SLC26A1: variants seen among roughly 807,000 people sequenced by gnomAD.
SLC26A1 encodes the protein sulfate anion transporter 1.
SLC26A1 carries 18 observed loss-of-function variants against 14.5 expected under a neutral mutation model. The ratio of observed to expected loss-of-function variants is 1.24; its 90% CI spans 0.86 to 1.84. SLC26A1 has a LOEUF of 1.84. Ranked by LOEUF, SLC26A1 falls within the 40% of genes most tolerant of loss-of-function variation. SLC26A1 has a pLI of 0.00. For missense variants in SLC26A1, 1,049 were observed against 1,020.0 expected, an observed-to-expected ratio of 1.03 and a Z score of -0.39; for synonymous variants, 505 against 492.0, an observed-to-expected ratio of 1.03 and a Z score of -0.35.
At chr4:980,484 G>A (rs1485610498) in intron 2 of SLC26A1, among the ~76,000 whole-genome samples, 10 of 151,898 alleles carry the variant, frequency 6.6e-5, no homozygotes, top group Admixed American at 6.6e-4. Flanking sequence ...TACTTGGGAG[G>A]CTGAGGCAGG....
In SLC26A1 at chr4:989,993, C is replaced by T; in HGVS notation, c.946G>A (p.Gly316Ser). The T allele has an allele frequency of 6.4e-7, 1 of 1,565,460 alleles. No individual in the cohort carries two copies. Among genetic ancestry groups the T allele is most frequent in the East Asian group, 2.4e-5 (1 of 42,130 alleles). ...SHFGQLHKRF[G>S]SSVAGDIPTG... Reference sequence around the variant, plus strand: ...GGGATGTCGCCAGCCACGCTCGAGCCAAAGCGCTTGTGGAGCTGCCCGAAG... The same window carrying T: ...GGGATGTCGCCAGCCACGCTCGAGCTAAAGCGCTTGTGGAGCTGCCCGAAG... Residue 316 changes from glycine (G) to serine (S), a missense_variant, in exon 3 of 3, where the codon GGC becomes AGC. Coordinates refer to ENST00000398516, the MANE Select transcript of SLC26A1 (RefSeq NM_022042.4).
At chr4:985,869 T>C (rs925606675), downstream of SLC26A1, among the ~76,000 whole-genome samples, 1 of 152,190 alleles carries the variant, frequency 6.6e-6, no homozygotes, top group African/African-American at 2.4e-5. Flanking sequence ...TTCTCCCAAC[T>C]TAGAGAGGAT....
At position 989,715 on chromosome 4, in the gene SLC26A1, A is replaced by G. The variant is rs1275969391; in HGVS notation, c.1224T>C (p.Thr408=). 1.8e-5 allele frequency: 28 copies of G among 1,558,812 alleles called. No homozygotes were observed. In the East Asian group the frequency reaches 6.7e-4, roughly 37 times the overall value. The change falls in exon 3 of 3, where the codon ACT becomes ACC. Residue 408 remains threonine (T), a synonymous_variant. Transcript: ENST00000398516. The part of the protein sequence containing the change: ...ALAKSLVKTA[T]GCRTQLSSVV... ...CGCTGGACAGCTGTGTCCGGCAGCCAGTGGCTGTCTTCACCAGGCTCTTGG... is the reference window on the plus strand; with the variant it reads ...CGCTGGACAGCTGTGTCCGGCAGCCGGTGGCTGTCTTCACCAGGCTCTTGG...
intron 2 of SLC26A1, among the ~76,000 whole-genome samples, chr4:981,048 C>T (rs1220163002): frequency 2.0e-5 from 3 of 152,218 alleles, no homozygotes; most frequent in Non-Finnish European, 2.9e-5. Flanking sequence ...CCCCAGTCAG[C>T]AACCGGCCAG....
intron 2 of SLC26A1, among the ~76,000 whole-genome samples, chr4:980,305 G>C (rs1162134481): frequency 6.6e-6 from 1 of 152,180 alleles, no homozygotes; most frequent in Non-Finnish European, 1.5e-5. Context: ...CAGAAAATAG[G>C]CTGGGTGCGG....
chr4:983,742 C>T (rs537015444), downstream of SLC26A1, among the ~76,000 whole-genome samples: 1 of 152,328 alleles, frequency 6.6e-6, no homozygotes, highest in South Asian at 2.1e-4. Context: ...GTTTTCCCTT[C>T]CCCCCGCACT....
chr4:990,514 A>G, intron 2 of SLC26A1, 152 bp from the exon 3 acceptor site: 1 of 742,336 alleles, frequency 1.3e-6, no homozygotes, highest in Admixed American at 2.9e-5. Context: ...GACTCCTCAC[A>G]CGGGCCTGAG....
At chr4:991,896 T>C in intron 1 of SLC26A1, 166 bp from the exon 2 acceptor site, 1 of 1,237,470 alleles carries the variant, frequency 8.1e-7, no homozygotes, top group Non-Finnish European at 1.1e-6. Context: ...CCCTGCCCGG[T>C]ATGGATGGAC....
In SLC26A1 at chr4:989,352, C is replaced by G; in HGVS notation, c.1587G>C (p.Glu529Asp). The change falls in exon 3 of 3, where the codon GAG becomes GAC. Residue 529 changes from glutamate (E) to aspartate (D), a missense_variant. By Grantham distance (45) the Glu-to-Asp change is conservative. Coordinates refer to ENST00000398516, the MANE Select transcript of SLC26A1 (RefSeq NM_022042.4). ...GCACGCCGGGCTCAGGGACGAGGCC[C>G]TCGAACTCTGTGGCATCCTCGTAGA... ...TAFYEDATEF[E>D]GLVPEPGVRV... 7 of 1,597,778 alleles carry G rather than the reference C, an allele frequency of 4.4e-6. No individual in the cohort carries two copies. The highest frequency in any genetic ancestry group is 6.0e-6 in the Non-Finnish European group (7 of 1,172,696).
chr4:990,945 C>G (rs991235147), intron 2 of SLC26A1, 183 bp downstream of exon 2: 1 of 618,206 alleles, frequency 1.6e-6, no homozygotes, highest in Non-Finnish European at 2.7e-6. Flanking sequence ...TCCACAGCCT[C>G]TCCGCGTCGG....
At position 989,825 on chromosome 4, in the gene SLC26A1, G is replaced by T; in HGVS notation, c.1114C>A (p.Arg372Ser). 2 of 1,579,690 alleles carry T rather than the reference G, an allele frequency of 1.3e-6. No individual in the cohort carries two copies. The highest frequency in any genetic ancestry group is 1.7e-6 in the Non-Finnish European group (2 of 1,163,744). Reference sequence around the variant, plus strand: ...ACAGCCAGCAGCTCCTGGTTGGCACGCACAGAGTAGCCGTGACTGCGGGCG... The same window carrying T: ...ACAGCCAGCAGCTCCTGGTTGGCACTCACAGAGTAGCCGTGACTGCGGGCG... ...MFARSHGYSVRANQELLAVGC... is the reference protein window; with the variant it reads ...MFARSHGYSVSANQELLAVGC... The change falls in exon 3 of 3, where the codon CGT (arginine) becomes AGT (serine). Residue 372 changes from arginine to serine, a missense_variant. Arg to Ser is a moderately radical substitution (Grantham distance 110). Coordinates refer to ENST00000398516, the MANE Select transcript of SLC26A1 (RefSeq NM_022042.4).
Position 991,678 on chromosome 4 carries a change from T to G in SLC26A1, c.26A>C (p.Gln9Pro). The change falls in exon 2 of 3, where the codon CAG becomes CCG. Residue 9 changes from glutamine (Q) to proline (P), a missense_variant. Gln to Pro is a moderately conservative substitution (Grantham distance 76). Transcript: ENST00000398516. MDESPEPL[Q>P]QGRGPVPVRR... The stretch of plus-strand genomic sequence containing the variant: ...GACCGGCACCGGCCCTCTGCCCTGC[T>G]GCAGAGGCTCAGGGGACTCGTCCAT... 6.5e-7 allele frequency: 1 copy of G among 1,534,646 alleles called. No homozygotes were observed. Among genetic ancestry groups the G allele is most frequent in the Non-Finnish European group, 8.7e-7 (1 of 1,146,928 alleles).
rs752471622 is a variant in SLC26A1 at position 990,153 on chromosome 4, G to A, written c.786C>T (p.Cys262=). The change falls in exon 3 of 3, where the codon TGC becomes TGT. Residue 262 remains cysteine, a synonymous_variant. Coordinates refer to ENST00000398516, the MANE Select transcript of SLC26A1 (RefSeq NM_022042.4). ...LLRGAGQANV[C]DVVTSTVCLA... ...GGCACACCGTGCTGGTGACCACGTC[G>A]CACACGTTGGCCTGCCCGGCGCCGC... 1.2e-5 allele frequency: 18 copies of A among 1,563,906 alleles called. No individual in the cohort carries two copies. The East Asian group carries it at 1.7e-4, about 14-fold the overall frequency.
At chr4:983,811 A>G (rs997064059), downstream of SLC26A1, among the ~76,000 whole-genome samples, 1 of 152,114 alleles carries the variant, frequency 6.6e-6, no homozygotes, top group Non-Finnish European at 1.5e-5. Flanking sequence ...TTTCTACTTG[A>G]AGAACACCAT....
intron 1 of SLC26A1, among the ~76,000 whole-genome samples, chr4:992,383 C>T (rs1577523774): frequency 6.6e-6 from 1 of 152,240 alleles, no homozygotes; most frequent in Admixed American, 6.5e-5. Context: ...CAGGAAGAGG[C>T]CTCCTATGTC....
rs1157877742 is a variant in SLC26A1 at position 989,395 on chromosome 4, C to T, written c.1544G>A (p.Arg515His). 1.6e-5 allele frequency: 25 copies of T among 1,567,272 alleles called. No homozygotes were observed. The highest frequency in any genetic ancestry group is 1.7e-4 in the Middle Eastern group (1 of 6,028). ...TQRPRTALLA[R>H]IGDTAFYEDA... The stretch of plus-strand genomic sequence containing the variant: ...CTCGTAGAAGGCCGTGTCCCCGATG[C>T]GGGCCAGCAGGGCGGTGCGTGGGCG... The change falls in exon 3 of 3, where the codon CGC becomes CAC. Residue 515 changes from arginine to histidine, a missense_variant. Transcript: ENST00000398516.
chr4:988,210 C>T lies in SLC26A1; in HGVS notation c.*623G>A. On this transcript the variant is annotated 3_prime_UTR_variant, in exon 3 of 3. Transcript: ENST00000398516. Reference sequence around the variant, plus strand: ...GCGCCGCACCTGGCTCCTGGTGCACCCGTGAGCATCCCTGTGTGTGTCTGC... The same window carrying T: ...GCGCCGCACCTGGCTCCTGGTGCACTCGTGAGCATCCCTGTGTGTGTCTGC... 1 of 1,341,496 alleles carries T rather than the reference C, an allele frequency of 7.5e-7. No homozygotes were observed. Among genetic ancestry groups the T allele is most frequent in the Non-Finnish European group, 9.6e-7 (1 of 1,043,280 alleles). The allele number at this position is 1,341,496 out of a possible 1,614,324, so 83.1% of individuals were successfully genotyped here. A position where few individuals can be genotyped will look rare whatever the true frequency, so the allele number is the denominator to read the frequency against.
chr4:982,892 G>A (rs1264480561), downstream of SLC26A1, among the ~76,000 whole-genome samples: 3 of 152,140 alleles, frequency 2.0e-5, no homozygotes, highest in Non-Finnish European at 2.9e-5. Context: ...ACCCCCCTCC[G>A]TCTCCCCTGT....
At position 988,475 on chromosome 4, in the gene SLC26A1, T is replaced by C. The variant is rs1269673110; in HGVS notation, c.*358A>G. ...GCAGGCCTGGGCATAGGGAGTCCTC[T>C]TGGCACCTTGGAGGCTGCATGATGG... On this transcript the variant is annotated 3_prime_UTR_variant, in exon 3 of 3. Transcript: ENST00000398516. The C allele has an allele frequency of 3.6e-6, 4 of 1,114,950 alleles. No homozygotes were observed. Among genetic ancestry groups the C allele is most frequent in the Non-Finnish European group, 4.4e-6 (4 of 911,178 alleles). 69.1% of individuals were successfully genotyped at this position (1,114,950 alleles called of 1,614,324 possible). A position where few individuals can be genotyped will look rare whatever the true frequency, so the allele number is the denominator to read the frequency against.
Sources: gnomAD v4.1 joint callset for allele counts (sites outside exome capture counted in the v4.1 genomes callset) on GRCh38, gnomAD v4.1.1 for gene constraint, MANE v1.5 for transcripts, NCBI Gene and HGNC (gene_info 2026-07-23, HGNC 2026-07-21) for gene names.